Variants in DACH1 observed in about 807,000 individuals in gnomAD.
DACH1 encodes the protein dachshund homolog 1.
In DACH1, 12 loss-of-function variants were observed where a neutral mutation model predicts 54.2. The ratio of observed to expected loss-of-function variants is 0.22; its 90% CI spans 0.14 to 0.36. DACH1 has a LOEUF of 0.36. Among genes scored for constraint, DACH1 ranks in the 10% least tolerant of loss-of-function variants. DACH1 has a pLI of 1.00. For missense variants in DACH1, 805 were observed against 929.8 expected (o/e 0.87, Z 1.75); for synonymous variants, 386 against 366.2 (o/e 1.05, Z -0.62).
chr13:71,551,910 T>C (rs893571886), intron 6 of DACH1, among the ~76,000 whole-genome samples: 2 of 151,942 alleles, frequency 1.3e-5, no homozygotes, highest in Non-Finnish European at 2.9e-5. Context: ...ATGTTAAGCA[T>C]TGGAGATGTT....
intron 1 of DACH1, among the ~76,000 whole-genome samples, chr13:71,796,848 A>G (rs966694261): frequency 1.3e-5 from 2 of 152,126 alleles, no homozygotes; most frequent in Admixed American, 1.3e-4. Context: ...AAGGACATCT[A>G]CGGACACTTA....
intron 6 of DACH1, among the ~76,000 whole-genome samples, chr13:71,489,460 T>C (rs1201584997): frequency 5.9e-5 from 9 of 152,166 alleles, no homozygotes; most frequent in Non-Finnish European, 1.3e-4. Context: ...GCTGACTTTA[T>C]GGGCACCTTC....
chr13:71,524,726 T>C (rs1303641832), intron 6 of DACH1, among the ~76,000 whole-genome samples: 5 of 152,128 alleles, frequency 3.3e-5, no homozygotes, highest in Admixed American at 6.6e-5. Flanking sequence ...AGATAGCATA[T>C]TTGCAAGTCC....
intron 6 of DACH1, among the ~76,000 whole-genome samples, chr13:71,532,152 T>C (rs1442776082): frequency 6.6e-6 from 1 of 151,978 alleles, no homozygotes; most frequent in African/African-American, 2.4e-5. Flanking sequence ...TGGACACTTG[T>C]TACATCCTTA....
At chr13:71,559,390 C>A (rs937391202) in intron 5 of DACH1, among the ~76,000 whole-genome samples, 5 of 152,044 alleles carry the variant, frequency 3.3e-5, no homozygotes, top group Non-Finnish European at 7.4e-5. Context: ...TAACTGATTT[C>A]TCTTTGTGGA....
Position 71,826,246 on chromosome 13 carries a change from T to G in DACH1, c.848+39676A>C, listed in dbSNP as rs942859782. 3.9e-5 allele frequency among the ~76,000 whole-genome samples: 6 copies of G among 152,258 alleles called. 1 individual carries two copies. In the South Asian group the frequency reaches 1.2e-3, roughly 32 times the overall value. Reference sequence around the variant, plus strand: ...TCTGTATGACATATTGCTATTTTGATAAGCACTGAATTTTAGGTTTCTTTT... The same window carrying G: ...TCTGTATGACATATTGCTATTTTGAGAAGCACTGAATTTTAGGTTTCTTTT... On this transcript the variant is annotated intron_variant, in intron 1 of 10. Coordinates refer to ENST00000613252, the MANE Select transcript of DACH1 (RefSeq NM_080759.6).
At chr13:71,774,909 T>C (rs1885998435) in intron 1 of DACH1, among the ~76,000 whole-genome samples, 1 of 152,056 alleles carries the variant, frequency 6.6e-6, no homozygotes, top group Non-Finnish European at 1.5e-5. Context: ...CCTAGGTCTT[T>C]ACAAACATAT....
intron 1 of DACH1, among the ~76,000 whole-genome samples, chr13:71,839,625 TA>T (rs1888939604): frequency 6.6e-6 from 1 of 151,916 alleles, no homozygotes; most frequent in South Asian, 2.1e-4. Flanking sequence ...TAAATAAAAA[TA>T]AAAATAAAAT....
chr13:71,534,270 A>G (rs1277285533), intron 6 of DACH1, among the ~76,000 whole-genome samples: 1 of 152,068 alleles, frequency 6.6e-6, no homozygotes, highest in Non-Finnish European at 1.5e-5. Flanking sequence ...GGTATACTAA[A>G]CATGAAATAC....
At chr13:71,690,564 C>T (rs1881427969) in intron 1 of DACH1, among the ~76,000 whole-genome samples, 1 of 152,112 alleles carries the variant, frequency 6.6e-6, no homozygotes, top group South Asian at 2.1e-4. Context: ...AACGTTAATA[C>T]TATATTGGAT....
intron 3 of DACH1, among the ~76,000 whole-genome samples, chr13:71,580,028 G>C (rs1347827946): frequency 6.6e-6 from 1 of 152,118 alleles, no homozygotes; most frequent in Non-Finnish European, 1.5e-5. Flanking sequence ...CAGACTATAA[G>C]CTGATTGTAA....
intron 1 of DACH1, among the ~76,000 whole-genome samples, chr13:71,821,730 T>C (rs1020400828): frequency 2.6e-5 from 4 of 152,142 alleles, no homozygotes; most frequent in Admixed American, 2.6e-4. Context: ...ACAGTCTCTT[T>C]AATAATTCCC....
At chr13:71,520,882 G>A (rs966118408) in intron 6 of DACH1, among the ~76,000 whole-genome samples, 4 of 151,826 alleles carry the variant, frequency 2.6e-5, no homozygotes, top group Non-Finnish European at 5.9e-5. Flanking sequence ...AAGTTAGTAG[G>A]CAGATATGTA....
At chr13:71,489,178 C>G (rs770563391) in intron 6 of DACH1, 30 bp from the exon 7 acceptor site, 1 of 1,601,712 alleles carries the variant, frequency 6.2e-7, no homozygotes, top group South Asian at 1.1e-5. Context: ...AAATATAGAA[C>G]AAGTTACGCT....
At chr13:71,694,341 GC>G (rs11296786) in intron 1 of DACH1, among the ~76,000 whole-genome samples, 16,079 of 151,936 alleles carry the variant, frequency 0.11, 1,750 homozygotes, top group African/African-American at 0.27. Context: ...ACTTTTTGAT[GC>G]CCCCGTGAGG....
intron 10 of DACH1, among the ~76,000 whole-genome samples, chr13:71,472,689 G>T (rs921956232): frequency 6.6e-6 from 1 of 152,164 alleles, no homozygotes; most frequent in African/African-American, 2.4e-5. Flanking sequence ...AGTGATGAGT[G>T]TGAGAGGCTG....
chr13:71,747,954 G>A (rs1884672630), intron 1 of DACH1, among the ~76,000 whole-genome samples: 2 of 152,166 alleles, frequency 1.3e-5, no homozygotes. Context: ...GCATGAACTT[G>A]ACAGGCAAAT....
chr13:71,748,934 T>TTCTC (rs1884787421), intron 1 of DACH1, among the ~76,000 whole-genome samples: 1 of 47,064 alleles, frequency 2.1e-5, no homozygotes, highest in East Asian at 3.0e-4. Flanking sequence ...CTTTCTTTCT[T>TTCTC]TCTTTCTTTC....
chr13:71,863,593 C>T (rs531571558), intron 1 of DACH1, among the ~76,000 whole-genome samples: 2 of 152,186 alleles, frequency 1.3e-5, no homozygotes, highest in East Asian at 3.9e-4. Context: ...GTTTAAACTC[C>T]AGATCTGTTG....
Sources: allele counts gnomAD v4.1 joint callset (sites outside exome capture counted in the v4.1 genomes callset), GRCh38; gene constraint gnomAD v4.1.1; transcripts MANE v1.5; gene names NCBI Gene and HGNC (gene_info 2026-07-23, HGNC 2026-07-21).